RBFOX1: variants seen among roughly 807,000 people sequenced by gnomAD.
The protein encoded by RBFOX1 is RNA binding protein fox-1 homolog 1.
RBFOX1 carries 8 observed loss-of-function variants against 57.7 expected under a neutral mutation model. The ratio of observed to expected loss-of-function variants is 0.14; its 90% CI spans 0.08 to 0.25. The LOEUF is 0.25. Ranked by LOEUF, RBFOX1 falls within the 10% of genes least tolerant of loss-of-function variation. RBFOX1 has a pLI of 1.00. For synonymous variants in RBFOX1, 326 were observed against 222.4 expected, an observed-to-expected ratio of 1.47 and a Z score of -4.15; for missense variants, 611 against 548.5, an observed-to-expected ratio of 1.11 and a Z score of -1.14.
chr16:6,739,642 C>T (rs757284478), intron 3 of RBFOX1, among the ~76,000 whole-genome samples: 7 of 151,958 alleles, frequency 4.6e-5, no homozygotes, highest in African/African-American at 4.8e-5. Context: ...TTTGGGAGGC[C>T]GAGGTGGGTG....
chr16:5,998,275 C>G (rs1460213482), intron 4 of RBFOX1, among the ~76,000 whole-genome samples: 2 of 152,164 alleles, frequency 1.3e-5, no homozygotes, highest in Non-Finnish European at 2.9e-5. Flanking sequence ...TTGATAGTCT[C>G]TGATATTCTC....
At chr16:6,274,211 A>G (rs1329286717) in intron 1 of RBFOX1, among the ~76,000 whole-genome samples, 1 of 152,200 alleles carries the variant, frequency 6.6e-6, no homozygotes, top group East Asian at 1.9e-4. Context: ...CATTTATTCC[A>G]GAGACATGGA....
chr16:6,494,237 G>T (rs1278687287), intron 2 of RBFOX1, among the ~76,000 whole-genome samples: 2 of 152,098 alleles, frequency 1.3e-5, no homozygotes, highest in Non-Finnish European at 2.9e-5. Context: ...AAGGTTACTT[G>T]CACGTATTTG....
chr16:6,615,046 G>C (rs911394483), intron 2 of RBFOX1, among the ~76,000 whole-genome samples: 3 of 152,166 alleles, frequency 2.0e-5, no homozygotes, highest in African/African-American at 4.8e-5. Context: ...GATGATCTGT[G>C]AGCCCTGTGC....
chr16:5,944,576 G>A lies in RBFOX1; in HGVS notation c.351+77241G>A, dbSNP rs145060054. The stretch of plus-strand genomic sequence containing the variant: ...TCGGAGCTGTGTGAGTCATGCCTCA[G>A]TTTCGACAAATGTGAAGTCAGATGG... On this transcript the variant is annotated intron_variant, in intron 4 of 19. Coordinates refer to the RBFOX1 transcript ENST00000641259. Among the ~76,000 whole-genome samples, 389 of 151,814 alleles carry A rather than the reference G, an allele frequency of 2.6e-3. 1 individual carries two copies. The highest frequency in any genetic ancestry group is 4.2e-3 in the Non-Finnish European group (282 of 67,950).
intron 11 of RBFOX1, among the ~76,000 whole-genome samples, chr16:7,640,610 G>A (rs143094270): frequency 4.1e-4 from 62 of 152,306 alleles, no homozygotes; most frequent in African/African-American, 1.3e-3. Flanking sequence ...GAACAAGGCC[G>A]AGATGAGATG....
intron 1 of RBFOX1, among the ~76,000 whole-genome samples, chr16:6,079,004 T>C (rs1388974255): frequency 6.6e-6 from 1 of 152,216 alleles, no homozygotes; most frequent in Non-Finnish European, 1.5e-5. Flanking sequence ...TTTAATGAAC[T>C]AGTGTAAAAG....
At chr16:6,945,410 C>G (rs558041367) in intron 3 of RBFOX1, among the ~76,000 whole-genome samples, 2 of 147,376 alleles carry the variant, frequency 1.4e-5, no homozygotes. Context: ...GATGGCCATG[C>G]AGGAATGTAG....
intron 1 of RBFOX1, among the ~76,000 whole-genome samples, chr16:6,138,902 A>G (rs2096689861): frequency 6.6e-6 from 1 of 151,938 alleles, no homozygotes; most frequent in South Asian, 2.1e-4. Flanking sequence ...GCATCCAATC[A>G]CCTTCGCTAT....
rs575786314 is a variant in RBFOX1, at chr16:6,252,719, C to T, written c.-126-64276C>T. On this transcript the variant is annotated intron_variant, in intron 1 of 15. Coordinates refer to ENST00000550418, the MANE Select transcript of RBFOX1 (RefSeq NM_018723.4). ...GCTTTGTAAATTTGCAACAGATATTCAAACAAGATAAGTACATAATTAGCA... is the reference window on the plus strand; with the variant it reads ...GCTTTGTAAATTTGCAACAGATATTTAAACAAGATAAGTACATAATTAGCA... 3.3e-5 allele frequency among the ~76,000 whole-genome samples: 5 copies of T among 152,282 alleles called. No individual in the cohort carries two copies. In the South Asian group the frequency reaches 1.0e-3, roughly 32 times the overall value.
chr16:6,858,562 C>G (rs2058332217), intron 3 of RBFOX1, among the ~76,000 whole-genome samples: 1 of 152,110 alleles, frequency 6.6e-6, no homozygotes. Flanking sequence ...GGTTACAGCT[C>G]AATTAAAATA....
chr16:7,272,258 C>T lies in RBFOX1; in HGVS notation c.27+220160C>T, dbSNP rs538764519. Among the ~76,000 whole-genome samples the T allele has an allele frequency of 2.6e-5, 4 of 152,294 alleles. No individual in the cohort carries two copies. The East Asian group carries it at 7.7e-4, about 29-fold the overall frequency. On this transcript the variant is annotated intron_variant, in intron 4 of 15. Transcript: ENST00000550418. ...GGAGTGCATTGGTATCACCTCGGCT[C>T]ACTGCAACCTCCACCTCCCTGGTTC...
chr16:7,606,077 G>C (rs541607320), intron 9 of RBFOX1, among the ~76,000 whole-genome samples: 15 of 150,034 alleles, frequency 1.0e-4, no homozygotes, highest in Non-Finnish European at 2.2e-4. Flanking sequence ...TCTCAAAGTG[G>C]TAGGATTACA....
At chr16:7,596,085 T>G (rs1338970056) in intron 8 of RBFOX1, among the ~76,000 whole-genome samples, 1 of 26,992 alleles carries the variant, frequency 3.7e-5, no homozygotes, top group African/African-American at 1.8e-4. Context: ...AAAGATTGTT[T>G]TTTTGTTTGT....
At chr16:6,585,640 CTCTT>C (rs2097599562) in intron 2 of RBFOX1, among the ~76,000 whole-genome samples, 1 of 152,172 alleles carries the variant, frequency 6.6e-6, no homozygotes, top group Non-Finnish European at 1.5e-5. Flanking sequence ...ATGACATAGA[CTCTT>C]TCTGTTTAAG....
At chr16:5,800,655 G>A (rs1010537544) in intron 3 of RBFOX1, among the ~76,000 whole-genome samples, 1 of 152,168 alleles carries the variant, frequency 6.6e-6, no homozygotes, top group Non-Finnish European at 1.5e-5. Context: ...TAGTTTCACG[G>A]TGACACTGGG....
chr16:7,013,845 A>G (rs1197007710), intron 3 of RBFOX1, among the ~76,000 whole-genome samples: 1 of 152,072 alleles, frequency 6.6e-6, no homozygotes, highest in African/African-American at 2.4e-5. Context: ...ACTTGTAGAA[A>G]TGGGGTCTCA....
At chr16:5,297,323 G>C (rs952790552) in intron 1 of RBFOX1, among the ~76,000 whole-genome samples, 2 of 152,158 alleles carry the variant, frequency 1.3e-5, no homozygotes, top group African/African-American at 2.4e-5. Flanking sequence ...AGGAATCTCT[G>C]TACTATTTTC....
At chr16:6,573,167 T>C (rs2097369294) in intron 2 of RBFOX1, among the ~76,000 whole-genome samples, 2 of 152,146 alleles carry the variant, frequency 1.3e-5, no homozygotes, top group South Asian at 4.2e-4. Context: ...CCAGAGACTT[T>C]ACCATCATTT....
Sources: allele counts gnomAD v4.1 joint callset (sites outside exome capture counted in the v4.1 genomes callset), GRCh38; gene constraint gnomAD v4.1.1; transcripts MANE v1.5; gene names NCBI Gene and HGNC (gene_info 2026-07-23, HGNC 2026-07-21).